The following FRYL variants were observed in gnomAD, a reference collection of about 807,000 sequenced individuals.
The protein encoded by FRYL is FRY like transcription coactivator, also known as protein furry homolog-like.
Under a neutral mutation model 351.2 loss-of-function variants are expected in FRYL, and 150 were observed. The ratio of observed to expected loss-of-function variants is 0.43; its 90% CI spans 0.37 to 0.49. The LOEUF is 0.49. Ranked by LOEUF, FRYL falls within the 20% of genes least tolerant of loss-of-function variation. The pLI is 0.00. For synonymous variants in FRYL, 1,153 were observed against 1,257.1 expected (o/e 0.92, Z 1.75); for missense variants, 3,036 against 3,619.3 (o/e 0.84, Z 4.13).
At chr4:48,570,690 A>T in intron 27 of FRYL, 137 bp downstream of exon 27, 1 of 577,640 alleles carries the variant, frequency 1.7e-6, no homozygotes, top group Non-Finnish European at 3.1e-6. Context: ...TTTATTTGTT[A>T]AATAATTTTC....
intron 1 of FRYL, among the ~76,000 whole-genome samples, chr4:48,741,950 T>C (rs1462195514): frequency 1.3e-5 from 2 of 152,188 alleles, no homozygotes; most frequent in African/African-American, 4.8e-5. Context: ...TACATGTCAT[T>C]AGAAGTTTGT....
chr4:48,773,920 G>C (rs80127697), intron 1 of FRYL, among the ~76,000 whole-genome samples: 1 of 152,178 alleles, frequency 6.6e-6, no homozygotes, highest in Non-Finnish European at 1.5e-5. Context: ...GTGAGACTCT[G>C]TATCAAATAA....
At chr4:48,754,428 A>G (rs892738466) in intron 1 of FRYL, among the ~76,000 whole-genome samples, 5 of 152,206 alleles carry the variant, frequency 3.3e-5, no homozygotes, top group African/African-American at 1.2e-4. Flanking sequence ...GCTAACGTAA[A>G]TAAGGGTTGC....
At chr4:48,598,666 C>G (rs747971027) in intron 13 of FRYL, among the ~76,000 whole-genome samples, 9 of 152,198 alleles carry the variant, frequency 5.9e-5, no homozygotes, top group Non-Finnish European at 5.9e-5. Context: ...ATTAAACCTT[C>G]TGAAGAATGT....
At chr4:48,653,951 T>C (rs1758256146) in intron 3 of FRYL, 1 of 1,197,848 alleles carries the variant, frequency 8.3e-7, no homozygotes, top group Admixed American at 3.5e-5. Flanking sequence ...TACCATGCAG[T>C]CTTGCAGTGA....
chr4:48,681,377 G>A lies in FRYL; in HGVS notation c.-81+3296C>T, dbSNP rs186278433. Among the ~76,000 whole-genome samples, 233 of 152,220 alleles carry A rather than the reference G, an allele frequency of 1.5e-3. 3 individuals carry two copies. The highest frequency in any genetic ancestry group is 0.012 in the South Asian group (60 of 4,826). ...AACTGCCCTTCATGTACGCGTACAT[G>A]TACAATGGGTGTTAACGACAATACT... is the stretch of plus-strand genomic sequence containing the variant. On this transcript the variant is annotated intron_variant, in intron 3 of 63. Coordinates refer to ENST00000358350, the MANE Select transcript of FRYL (RefSeq NM_015030.2).
chr4:48,578,925 A>G, intron 23 of FRYL, 48 bp downstream of exon 23: 1 of 1,480,844 alleles, frequency 6.8e-7, no homozygotes, highest in Non-Finnish European at 9.1e-7. Flanking sequence ...TACATATGAA[A>G]GCTGACAGTC....
At position 48,563,912 on chromosome 4, in the gene FRYL, G is replaced by A. The variant is rs778300285; in HGVS notation, c.3596+36C>T. ...AGAAAAACTTTTCTTTAAGAAAACA[G>A]AACAAAATGAAACAAAAAACCTGTA... On this transcript the variant is annotated intron_variant, in intron 31 of 63. Transcript: ENST00000358350. The A allele has an allele frequency of 3.3e-5, 53 of 1,589,648 alleles. 1 individual carries two copies. The highest frequency in any genetic ancestry group is 4.4e-5 in the Non-Finnish European group (51 of 1,172,190).
chr4:48,608,385 T>C (rs1401222539), intron 9 of FRYL, among the ~76,000 whole-genome samples: 1 of 152,292 alleles, frequency 6.6e-6, no homozygotes, highest in Admixed American at 6.5e-5. Context: ...TTCCCAGTAG[T>C]AACAAAGGAA....
intron 7 of FRYL, among the ~76,000 whole-genome samples, chr4:48,614,777 C>A (rs1749037083): frequency 6.9e-6 from 1 of 145,480 alleles, no homozygotes; most frequent in African/African-American, 2.5e-5. Flanking sequence ...CAGGTTTATT[C>A]CAAGGCTATT....
chr4:48,667,448 G>C (rs79207227), intron 3 of FRYL, among the ~76,000 whole-genome samples: 1 of 130,652 alleles, frequency 7.7e-6, no homozygotes, highest in East Asian at 2.5e-4. Context: ...TTTTTTTTTT[G>C]AACTGGAGAG....
intron 3 of FRYL, among the ~76,000 whole-genome samples, chr4:48,662,115 G>A (rs998057258): frequency 6.6e-6 from 1 of 152,138 alleles, no homozygotes; most frequent in African/African-American, 2.4e-5. Flanking sequence ...TAATATATAT[G>A]GAATTGGAAT....
chr4:48,713,596 T>C (rs1296351978), intron 1 of FRYL, among the ~76,000 whole-genome samples: 1 of 152,038 alleles, frequency 6.6e-6, no homozygotes, highest in East Asian at 1.9e-4. Context: ...ATGCACCCAA[T>C]ACAGGAGCAC....
At chr4:48,727,206 C>T (rs540225307) in intron 1 of FRYL, among the ~76,000 whole-genome samples, 21 of 151,410 alleles carry the variant, frequency 1.4e-4, no homozygotes, top group African/African-American at 4.6e-4. Flanking sequence ...TACTGTATAG[C>T]AACTTAAAAA....
chr4:48,632,108 A>ATATGTGTG (rs1553957663), intron 4 of FRYL, among the ~76,000 whole-genome samples: 2 of 64,406 alleles, frequency 3.1e-5, no homozygotes, highest in South Asian at 1.1e-3. Flanking sequence ...ATATATATAT[A>ATATGTGTG]TATATATATA....
intron 3 of FRYL, among the ~76,000 whole-genome samples, chr4:48,661,358 G>A (rs1712767): frequency 0.41 from 62,728 of 152,016 alleles, 14,244 homozygotes; most frequent in Admixed American, 0.56. Flanking sequence ...CCTGAGAGAT[G>A]AGAGACAAAT....
At position 48,550,703 on chromosome 4, in the gene FRYL, A is replaced by G. The variant is rs775043670; in HGVS notation, c.4522T>C (p.Tyr1508His). Residue 1508 changes from tyrosine (Y) to histidine (H), a missense_variant and splice_region_variant, in exon 38 of 64, where the codon TAT becomes CAT. Coordinates refer to ENST00000358350, the MANE Select transcript of FRYL (RefSeq NM_015030.2). The stretch of plus-strand genomic sequence containing the variant: ...CCACTGTAAATGTCCAGGTGCACAT[A>G]GCTATGGGAATGATCACTGAAGTTA... ...KPIKENIEES[Y>H]VHLDIYSGLN... 22 of 1,597,682 alleles carry G rather than the reference A, an allele frequency of 1.4e-5. No homozygotes were observed. Among genetic ancestry groups the G allele is most frequent in the Non-Finnish European group, 1.7e-5 (20 of 1,165,176 alleles).
intron 1 of FRYL, among the ~76,000 whole-genome samples, chr4:48,768,231 T>A (rs1030439995): frequency 7.2e-5 from 11 of 152,170 alleles, no homozygotes; most frequent in African/African-American, 2.4e-4. Flanking sequence ...GATTTACAGA[T>A]CTCATCTGAA....
At position 48,553,307 on chromosome 4, in the gene FRYL, A is replaced by G. The variant is rs1733306420; in HGVS notation, c.4343T>C (p.Leu1448Pro). 24 of 1,613,044 alleles carry G rather than the reference A, an allele frequency of 1.5e-5. No individual in the cohort carries two copies. The highest frequency in any genetic ancestry group is 2.0e-5 in the Non-Finnish European group (24 of 1,179,096). ...GACCCCTGAACTGACAGGATCGGTCAGCTGAAGCTCACTCACCAGCTCTTC... is the reference window on the plus strand; with the variant it reads ...GACCCCTGAACTGACAGGATCGGTCGGCTGAAGCTCACTCACCAGCTCTTC... ...LLEELVSELQ[L>P]TDPVSSGVTH... The change falls in exon 36 of 64, where the codon CTG (leucine) becomes CCG (proline). Residue 1448 changes from leucine to proline, a missense_variant. Leu to Pro is a moderately conservative substitution (Grantham distance 98). This residue lies in a region of FRYL where 1,987 missense variants were observed against 2,311.7 expected (regional missense o/e 0.86). Coordinates refer to ENST00000358350, the MANE Select transcript of FRYL (RefSeq NM_015030.2).
Sources: gnomAD v4.1 joint callset for allele counts (sites outside exome capture counted in the v4.1 genomes callset) on GRCh38, gnomAD v4.1.1 for gene constraint, gnomAD v4.1.1 regional missense constraint, MANE v1.5 for transcripts, NCBI Gene and HGNC (gene_info 2026-07-23, HGNC 2026-07-21) for gene names.